BOLA3: variants seen among roughly 807,000 people sequenced by gnomAD.
BOLA3 encodes bolA-like protein 3.
Under a neutral mutation model 14.5 loss-of-function variants are expected in BOLA3, and 8 were observed. That is an observed-to-expected ratio of 0.55 (90% CI 0.32 to 0.99). The LOEUF (loss-of-function observed/expected upper bound fraction) is 0.99. BOLA3 is among the 50% of genes least tolerant of loss of function. The pLI is 0.04. For synonymous variants in BOLA3, 42 were observed against 45.7 expected, an observed-to-expected ratio of 0.92 and a Z score of 0.33; for missense variants, 115 against 138.2, an observed-to-expected ratio of 0.83 and a Z score of 0.84.
intron 3 of BOLA3, among the ~76,000 whole-genome samples, chr2:74,141,744 G>A (rs947325727): frequency 3.9e-5 from 6 of 152,078 alleles, no homozygotes; most frequent in Non-Finnish European, 8.8e-5. Context: ...CAGGTACAAG[G>A]GTCAAAGTTG....
intron 3 of BOLA3, among the ~76,000 whole-genome samples, chr2:74,140,423 C>G (rs1223629285): frequency 6.6e-6 from 1 of 152,236 alleles, no homozygotes; most frequent in South Asian, 2.1e-4. Flanking sequence ...ACTCTCCTCA[C>G]TCTCTGCAAA....
Position 74,136,465 on chromosome 2 carries a change from T to A in BOLA3, c.259-807A>T, listed in dbSNP as rs184376228. ...AAACATTTTGAGATTTTTTTTGAAA[T>A]TTTTTTTAAAGCTCATCAGCTATCA... On this transcript the variant is annotated intron_variant, in intron 3 of 3. Coordinates refer to ENST00000327428, the MANE Select transcript of BOLA3 (RefSeq NM_212552.3). Among the ~76,000 whole-genome samples, 212 of 152,206 alleles carry A rather than the reference T, an allele frequency of 1.4e-3. 1 individual carries two copies. The highest frequency in any genetic ancestry group is 4.9e-3 in the African/African-American group (202 of 41,538).
intron 2 of BOLA3, among the ~76,000 whole-genome samples, chr2:74,143,725 C>T (rs1389348404): frequency 2.0e-5 from 3 of 151,952 alleles, no homozygotes; most frequent in Admixed American, 6.6e-5. Flanking sequence ...TCGCTCTTGT[C>T]GCCCAGGCTG....
chr2:74,146,809 C>T (rs1404315081), intron 1 of BOLA3: 1 of 152,436 alleles, frequency 6.6e-6, no homozygotes, highest in Non-Finnish European at 1.5e-5. Flanking sequence ...CGGCAGCATC[C>T]CAGAGCTGAC....
intron 2 of BOLA3, among the ~76,000 whole-genome samples, chr2:74,143,572 G>A (rs1692486864): frequency 6.6e-6 from 1 of 152,162 alleles, no homozygotes; most frequent in Non-Finnish European, 1.5e-5. Flanking sequence ...CCACAGCTGA[G>A]TCAAGCTCTA....
chr2:74,138,609 C>A (rs1347516800), intron 3 of BOLA3, among the ~76,000 whole-genome samples: 1 of 152,202 alleles, frequency 6.6e-6, no homozygotes, highest in African/African-American at 2.4e-5. Flanking sequence ...GAGACTGAGG[C>A]AGATCACATG....
intron 1 of BOLA3, 104 bp from the exon 2 acceptor site, chr2:74,145,407 C>A: frequency 2.6e-6 from 2 of 773,824 alleles, no homozygotes; most frequent in Non-Finnish European, 4.7e-6. Flanking sequence ...AAGGCAGGCC[C>A]CTGAGCCCTC....
intron 2 of BOLA3, among the ~76,000 whole-genome samples, chr2:74,143,042 G>A (rs1692475782): frequency 6.6e-6 from 1 of 152,222 alleles, no homozygotes; most frequent in Non-Finnish European, 1.5e-5. Flanking sequence ...GCTGATGACT[G>A]ATGATAAACA....
At chr2:74,147,045 G>C (rs1692558341) in intron 1 of BOLA3, 1 of 152,474 alleles carries the variant, frequency 6.6e-6, no homozygotes, top group African/African-American at 2.4e-5. Flanking sequence ...GGTAAAGGCA[G>C]AGAGTAACCA....
chr2:74,142,577 G>C (rs1037666340), intron 2 of BOLA3, among the ~76,000 whole-genome samples: 6 of 152,076 alleles, frequency 3.9e-5, no homozygotes, highest in Non-Finnish European at 7.4e-5. Flanking sequence ...TTCCTTTTGC[G>C]AGGCAGCTGC....
chr2:74,135,582 C>T lies in BOLA3; in HGVS notation c.*11G>A. 6.2e-7 allele frequency: 1 copy of T among 1,614,020 alleles called. No individual in the cohort carries two copies. The highest frequency in any genetic ancestry group is 8.5e-7 in the Non-Finnish European group (1 of 1,179,932). ...GTCTTAAGCAGCAGCATCTATGCAG[C>T]CAGGGCGTGGTCAGCGTTTGGGGAC... On this transcript the variant is annotated 3_prime_UTR_variant, in exon 4 of 4. Transcript: ENST00000327428.
chr2:74,147,787 C>G, intron 1 of BOLA3, 34 bp downstream of exon 1: 1 of 1,529,534 alleles, frequency 6.5e-7, no homozygotes, highest in South Asian at 1.2e-5. Context: ...GCTCCCGTCC[C>G]GGGGAGAGCA....
chr2:74,142,182 G>A, intron 3 of BOLA3, 90 bp downstream of exon 3: 1 of 943,004 alleles, frequency 1.1e-6, no homozygotes, highest in East Asian at 2.4e-5. Context: ...ATTCTCTCCT[G>A]CAACTGACGG....
intron 3 of BOLA3, among the ~76,000 whole-genome samples, chr2:74,139,096 G>T (rs949189264): frequency 6.6e-6 from 1 of 151,950 alleles, no homozygotes; most frequent in Non-Finnish European, 1.5e-5. Flanking sequence ...GCTGAGCCCC[G>T]CGCAGCAGGG....
chr2:74,136,217 C>CGGGGGG (rs1214141555), intron 3 of BOLA3, among the ~76,000 whole-genome samples: 2 of 151,918 alleles, frequency 1.3e-5, no homozygotes, highest in East Asian at 3.9e-4. Context: ...CCCAAAGTGC[C>CGGGGGG]GGAATTACAA....
At chr2:74,146,417 G>C (rs1216541525) in intron 1 of BOLA3, 1 of 152,574 alleles carries the variant, frequency 6.6e-6, no homozygotes, top group Non-Finnish European at 1.5e-5. Flanking sequence ...AATGGAGTGT[G>C]GCAGGCCTTG....
At chr2:74,142,610 G>T (rs1379730814) in intron 2 of BOLA3, among the ~76,000 whole-genome samples, 2 of 152,110 alleles carry the variant, frequency 1.3e-5, no homozygotes, top group Non-Finnish European at 2.9e-5. Context: ...TACCACTTGT[G>T]GGCAGGAAAG....
At chr2:74,139,156 T>G (rs1458387261) in intron 3 of BOLA3, among the ~76,000 whole-genome samples, 2 of 152,070 alleles carry the variant, frequency 1.3e-5, no homozygotes, top group Non-Finnish European at 1.5e-5. Flanking sequence ...GGGCGCCCCC[T>G]CCAGGGAATC....
In BOLA3 at chr2:74,142,317, T is replaced by C; in HGVS notation, c.213A>G (p.Glu71=). The C allele has an allele frequency of 1.9e-6, 3 of 1,614,056 alleles. No homozygotes were observed. Among genetic ancestry groups the C allele is most frequent in the Non-Finnish European group, 2.5e-6 (3 of 1,179,928 alleles). Residue 71 remains glutamate (E), a synonymous_variant, in exon 3 of 4, where the codon GAA becomes GAG. Transcript: ENST00000327428. ...AMYEIKIESE[E]FKEKRTVQQH... ...GCTGGACAGTTCTCTTCTCCTTAAATTCTTCTGATTCAATTTTAATTTCAT... is the reference window on the plus strand; with the variant it reads ...GCTGGACAGTTCTCTTCTCCTTAAACTCTTCTGATTCAATTTTAATTTCAT...
Sources: gnomAD v4.1 joint callset for allele counts (sites outside exome capture counted in the v4.1 genomes callset) on GRCh38, gnomAD v4.1.1 for gene constraint, MANE v1.5 for transcripts, NCBI Gene and HGNC (gene_info 2026-07-23, HGNC 2026-07-21) for gene names.